The following MSANTD5 variants were observed in gnomAD, a reference collection of about 807,000 sequenced individuals.
The protein encoded by MSANTD5 is Myb/SANT DNA binding domain containing 5, also known as uncharacterized protein MSANTD5.
At chr5:178,706,871 T>C in the MSANTD5 span, 57 of 152,280 alleles carry the variant, frequency 3.7e-4, 1 homozygote, top group Non-Finnish European at 4.7e-4. Context: ...CCGTTATGAC[T>C]ATGGACCCAG....
chr5:178,706,026 G>A, the MSANTD5 span, among the ~76,000 whole-genome samples: 6 of 151,962 alleles, frequency 3.9e-5, no homozygotes, highest in African/African-American at 1.2e-4. Flanking sequence ...AATTCTTTTC[G>A]ACCTCACTGA....
At chr5:178,700,472 C>T (rs916855945), upstream of MSANTD5, among the ~76,000 whole-genome samples, 1 of 152,182 alleles carries the variant, frequency 6.6e-6, no homozygotes, top group Non-Finnish European at 1.5e-5. Flanking sequence ...AGCTCTTTGC[C>T]TTAAAGGAGT....
upstream of MSANTD5, among the ~76,000 whole-genome samples, chr5:178,698,179 C>G (rs1246445353): frequency 6.6e-6 from 1 of 152,158 alleles, no homozygotes; most frequent in African/African-American, 2.4e-5. Flanking sequence ...ATGTGGGACC[C>G]TCTATGAGAA....
exon 4 of MSANTD5, chr5:178,694,900 G>T (rs1369675725): frequency 1.3e-5 from 2 of 152,192 alleles, no homozygotes; most frequent in Non-Finnish European, 2.9e-5. Context: ...TAGGCCTGGG[G>T]CGGGTGCTCG....
the MSANTD5 span, among the ~76,000 whole-genome samples, chr5:178,703,568 C>T: frequency 6.6e-6 from 1 of 151,954 alleles, no homozygotes; most frequent in Non-Finnish European, 1.5e-5. Context: ...ATATACAGTT[C>T]GATAAAGAAA....
the MSANTD5 span, among the ~76,000 whole-genome samples, chr5:178,705,035 C>A: frequency 1.3e-5 from 2 of 151,936 alleles, no homozygotes; most frequent in Non-Finnish European, 2.9e-5. Context: ...GGTATCAAGA[C>A]CTTGGTTTTC....
the MSANTD5 span, chr5:178,707,062 A>T: frequency 7.9e-5 from 12 of 152,290 alleles, no homozygotes; most frequent in Non-Finnish European, 1.6e-4. Flanking sequence ...GAAAGATAAA[A>T]GTCACTGCTT....
chr5:178,702,301 C>CTTTTTTTTTTTTT (rs372575693), upstream of MSANTD5, among the ~76,000 whole-genome samples: 7 of 133,392 alleles, frequency 5.2e-5, no homozygotes, highest in Non-Finnish European at 8.1e-5. Context: ...CTTTTTTTTT[C>CTTTTTTTTTTTTT]TTTTTTTTTT....
At chr5:178,705,058 T>C in the MSANTD5 span, among the ~76,000 whole-genome samples, 62,958 of 151,674 alleles carry the variant, frequency 0.42, 14,105 homozygotes, top group Admixed American at 0.52. Context: ...CTTTTCTTTT[T>C]TTTTTTTTGA....
At chr5:178,698,729 C>T (rs1765446351), upstream of MSANTD5, among the ~76,000 whole-genome samples, 1 of 141,790 alleles carries the variant, frequency 7.1e-6, no homozygotes, top group African/African-American at 2.6e-5. Context: ...ACTGCAGGTG[C>T]TTGTGCCACC....
upstream of MSANTD5, among the ~76,000 whole-genome samples, chr5:178,701,265 C>T (rs910678440): frequency 4.6e-5 from 7 of 152,104 alleles, no homozygotes; most frequent in African/African-American, 1.4e-4. Flanking sequence ...GCGTGAGCCA[C>T]GATGCCCAGC....
chr5:178,693,483 C>T (rs1317278850), downstream of MSANTD5, among the ~76,000 whole-genome samples: 1 of 152,006 alleles, frequency 6.6e-6, no homozygotes, highest in Non-Finnish European at 1.5e-5. Context: ...CCAGTGGGTT[C>T]TTGGTCTCAC....
intron 1 of MSANTD5, among the ~76,000 whole-genome samples, chr5:178,696,501 C>A (rs1428837835): frequency 2.6e-5 from 4 of 152,166 alleles, no homozygotes; most frequent in African/African-American, 9.7e-5. Flanking sequence ...GCTGGGATTA[C>A]AGGCGTGAGC....
Position 178,697,393 on chromosome 5 carries a change from G to T in MSANTD5, c.6+193C>A, listed in dbSNP as rs1002174639. On this transcript the variant is annotated intron_variant, in intron 1 of 3. Coordinates refer to ENST00000648368, the Ensembl canonical transcript of MSANTD5. ...GGCCTGAACCCGGGAGGCGGAGGTTGCAGTGAGCCGGGATCGCGCCCCTGC... is the reference window on the plus strand; with the variant it reads ...GGCCTGAACCCGGGAGGCGGAGGTTTCAGTGAGCCGGGATCGCGCCCCTGC... Among the ~76,000 whole-genome samples, 3 of 152,298 alleles carry T rather than the reference G, an allele frequency of 2.0e-5. No homozygotes were observed. In the Middle Eastern group the frequency reaches 0.01, roughly 518 times the overall value.
chr5:178,702,957 CAGAGAAGAGAGCAGTCACGG>C, the MSANTD5 span, among the ~76,000 whole-genome samples: 1 of 152,142 alleles, frequency 6.6e-6, no homozygotes, highest in African/African-American at 2.4e-5. Flanking sequence ...AGAGACAGGC[CAGAGAAGAGAGCAGTCACGG>C]AGACAAACAC....
At chr5:178,691,909 T>C (rs1449484620), downstream of MSANTD5, among the ~76,000 whole-genome samples, 1 of 134,926 alleles carries the variant, frequency 7.4e-6, no homozygotes, top group African/African-American at 2.7e-5. Context: ...TAAGCTCTGC[T>C]AAGGCCCTCT....
exon 3 of MSANTD5, chr5:178,695,552 C>T (rs759890259): frequency 1.3e-5 from 2 of 152,154 alleles, no homozygotes; most frequent in Non-Finnish European, 2.9e-5. Context: ...CCCATTCTTG[C>T]AGGAAACTCC....
exon 1 of MSANTD5, chr5:178,697,604 G>C (rs1375355438): frequency 6.6e-6 from 1 of 152,210 alleles, no homozygotes; most frequent in Non-Finnish European, 1.5e-5. Context: ...TTACTCCTGA[G>C]TTTTCTCCCG....
At chr5:178,698,338 C>T (rs147017634), upstream of MSANTD5, among the ~76,000 whole-genome samples, 30 of 152,210 alleles carry the variant, frequency 2.0e-4, no homozygotes, top group African/African-American at 6.3e-4. Flanking sequence ...AAGTAAGTGA[C>T]GGTGGGGACG....
Sources: allele counts gnomAD v4.1 joint callset (sites outside exome capture counted in the v4.1 genomes callset), GRCh38; gene constraint gnomAD v4.1.1; transcripts MANE v1.5; gene names NCBI Gene and HGNC (gene_info 2026-07-23, HGNC 2026-07-21).